IDE: variants seen among roughly 807,000 people sequenced by gnomAD.
The protein encoded by IDE is insulin-degrading enzyme.
IDE carries 58 observed loss-of-function variants against 133.2 expected under a neutral mutation model. The observed-to-expected ratio is 0.44, with a 90% CI of 0.35 to 0.54. The LOEUF (loss-of-function observed/expected upper bound fraction) is 0.54. Among genes scored for constraint, IDE ranks in the 20% least tolerant of loss-of-function variants. IDE has a pLI of 0.00. For synonymous variants in IDE, 396 were observed against 421.3 expected (o/e 0.94, Z 0.73); for missense variants, 981 against 1,234.0 (o/e 0.79, Z 3.07).
intron 11 of IDE, among the ~76,000 whole-genome samples, chr10:92,500,213 C>T (rs1475756731): frequency 6.6e-6 from 1 of 151,730 alleles, no homozygotes; most frequent in African/African-American, 2.4e-5. Context: ...AAGAGAATCG[C>T]TTAAACTCGG....
rs764045316 is a variant in IDE, at chr10:92,510,053, A to G, written c.894T>C (p.Leu298=). ...ATACCAAAATTTATGCACTTACTTT[A>G]AGATGTTCTTCTTGGAAAGGGTGTT... ...FPEHPFQEEH[L]KQLYKIVPIK... Residue 298 remains leucine, a synonymous_variant, in exon 6 of 25, where the codon CTT becomes CTC. Coordinates refer to ENST00000265986, the MANE Select transcript of IDE (RefSeq NM_004969.4). The G allele has an allele frequency of 5.9e-6, 9 of 1,519,416 alleles. No homozygotes were observed. Among genetic ancestry groups the G allele is most frequent in the African/African-American group, 1.4e-5 (1 of 72,902 alleles). 94.1% of individuals were successfully genotyped at this position (1,519,416 alleles called of 1,614,324 possible).
intron 11 of IDE, among the ~76,000 whole-genome samples, chr10:92,495,487 G>A (rs1383526235): frequency 6.6e-6 from 1 of 151,998 alleles, no homozygotes; most frequent in African/African-American, 2.4e-5. Context: ...CCAAAGTGCT[G>A]GGATTAGAGG....
At position 92,474,849 on chromosome 10, in the gene IDE, G is replaced by A; in HGVS notation, c.2108C>T (p.Ala703Val). 1 of 1,610,042 alleles carries A rather than the reference G, an allele frequency of 6.2e-7. No individual in the cohort carries two copies. Among genetic ancestry groups the A allele is most frequent in the Non-Finnish European group, 8.5e-7 (1 of 1,178,930 alleles). The change falls in exon 17 of 25, where the codon GCT becomes GTT. Residue 703 changes from alanine to valine, a missense_variant. Physicochemically the swap from Ala to Val is moderately conservative, Grantham distance 64. Transcript: ENST00000265986. ...TAAGTAGAAAGTCTCACCATCCAGA[G>A]CTTCTTTTAACTCATCTTTAGTCCA... The part of the protein sequence containing the change: ...VAWTKDELKE[A>V]LDDVTLPRLK...
intron 11 of IDE, among the ~76,000 whole-genome samples, chr10:92,502,626 C>T (rs1848083986): frequency 6.6e-6 from 1 of 152,178 alleles, no homozygotes; most frequent in Non-Finnish European, 1.5e-5. Context: ...ATTATGTGAA[C>T]TATATCTCGC....
intron 14 of IDE, chr10:92,479,642 TGTGCGTGC>T: frequency 2.2e-6 from 1 of 446,060 alleles, no homozygotes; most frequent in Non-Finnish European, 4.1e-6. Flanking sequence ...TGCGTGCGTG[TGTGCGTGC>T]GCACTGGTAG....
At chr10:92,532,267 CAAA>C (rs59732643) in intron 3 of IDE, among the ~76,000 whole-genome samples, 6 of 104,866 alleles carry the variant, frequency 5.7e-5, no homozygotes, top group African/African-American at 6.3e-5. Flanking sequence ...GCTAATGCTC[CAAA>C]AAAAAAAAAA....
intron 4 of IDE, among the ~76,000 whole-genome samples, chr10:92,524,398 A>T (rs11187050): frequency 2.2e-5 from 2 of 91,114 alleles, no homozygotes; most frequent in Non-Finnish European, 3.9e-5. Context: ...ATTTTATATA[A>T]TATATAATAT....
At chr10:92,484,244 C>T (rs1351031410) in intron 13 of IDE, among the ~76,000 whole-genome samples, 1 of 152,016 alleles carries the variant, frequency 6.6e-6, no homozygotes, top group East Asian at 1.9e-4. Flanking sequence ...AACCCCGTCT[C>T]TACTAATCAT....
At chr10:92,526,366 GA>G (rs946305447) in intron 4 of IDE, among the ~76,000 whole-genome samples, 1 of 150,832 alleles carries the variant, frequency 6.6e-6, no homozygotes, top group South Asian at 2.1e-4. Context: ...CACAGAAATA[GA>G]AAAAAAAATC....
chr10:92,537,341 CTT>C (rs1480529932), intron 2 of IDE, 23 bp downstream of exon 2: 1 of 1,563,088 alleles, frequency 6.4e-7, no homozygotes, highest in Non-Finnish European at 8.7e-7. Context: ...CAAAACAAAG[CTT>C]AATTCACAAT....
At chr10:92,539,829 G>A (rs1053659148) in intron 1 of IDE, among the ~76,000 whole-genome samples, 4 of 152,060 alleles carry the variant, frequency 2.6e-5, no homozygotes, top group South Asian at 2.1e-4. Flanking sequence ...GGCAAAGAAC[G>A]ATGAAAATAT....
chr10:92,461,314 C>T (rs939431211), intron 21 of IDE, 62 bp from the exon 22 acceptor site: 30 of 785,964 alleles, frequency 3.8e-5, no homozygotes, highest in Middle Eastern at 4.7e-4. Flanking sequence ...CAGAACAGTA[C>T]ACTAAATGAC....
intron 1 of IDE, among the ~76,000 whole-genome samples, chr10:92,539,106 A>G (rs1413874118): frequency 2.0e-5 from 3 of 152,174 alleles, no homozygotes; most frequent in Non-Finnish European, 4.4e-5. Context: ...GAAATCACCT[A>G]TAACTATTCT....
At chr10:92,455,500 CAAAAAAA>C in intron 24 of IDE, 69 bp downstream of exon 24, 7 of 967,758 alleles carry the variant, frequency 7.2e-6, no homozygotes, top group Non-Finnish European at 1.1e-5. Flanking sequence ...AAACAAAAAA[CAAAAAAA>C]ACCAAGCTGC....
intron 3 of IDE, 53 bp from the exon 4 acceptor site, chr10:92,531,970 G>A: frequency 7.8e-7 from 1 of 1,274,058 alleles, no homozygotes; most frequent in Non-Finnish European, 1.0e-6. Context: ...TAAAACAATA[G>A]CCTTTTAGAA....
At chr10:92,466,956 G>A (rs1371316030) in intron 19 of IDE, among the ~76,000 whole-genome samples, 2 of 151,624 alleles carry the variant, frequency 1.3e-5, no homozygotes, top group Non-Finnish European at 2.9e-5. Context: ...ACATCTTCTC[G>A]GTTGCAGTGA....
At chr10:92,572,275 A>G (rs1320249972) in intron 1 of IDE, among the ~76,000 whole-genome samples, 4 of 152,230 alleles carry the variant, frequency 2.6e-5, no homozygotes, top group Admixed American at 2.6e-4. Context: ...AATTTAGAAC[A>G]AAAGCAGACT....
chr10:92,531,702 T>C (rs993562492), intron 4 of IDE, 46 bp downstream of exon 4: 2 of 1,115,664 alleles, frequency 1.8e-6, no homozygotes, highest in Non-Finnish European at 1.2e-6. Flanking sequence ...TACTATGCAG[T>C]GGCCATGGGT....
chr10:92,454,286 T>G lies in IDE; in HGVS notation c.*158A>C. The G allele has an allele frequency of 1.8e-6, 1 of 546,836 alleles. No individual in the cohort carries two copies. The highest frequency in any genetic ancestry group is 3.3e-6 in the Non-Finnish European group (1 of 304,058). The allele number at this position is 546,836 out of a possible 1,614,324, so 33.9% of individuals were successfully genotyped here. A position where few individuals can be genotyped will look rare whatever the true frequency, so the allele number is the denominator to read the frequency against. ...ACATCTATAAGATTTTGTAATTTAC[T>G]TTGGATTTATAATATTTCTACATAA... is the stretch of plus-strand genomic sequence containing the variant. On this transcript the variant is annotated 3_prime_UTR_variant, in exon 25 of 25. Coordinates refer to ENST00000265986, the MANE Select transcript of IDE (RefSeq NM_004969.4).
Sources: allele counts gnomAD v4.1 joint callset (sites outside exome capture counted in the v4.1 genomes callset), GRCh38; gene constraint gnomAD v4.1.1; transcripts MANE v1.5; gene names NCBI Gene and HGNC (gene_info 2026-07-23, HGNC 2026-07-21).